ROBO2: variants seen among roughly 807,000 people sequenced by gnomAD.
The protein encoded by ROBO2 is roundabout homolog 2.
In ROBO2, 53 loss-of-function variants were observed where a neutral mutation model predicts 160.8. The ratio of observed to expected loss-of-function variants is 0.33; its 90% CI spans 0.26 to 0.41. The LOEUF (loss-of-function observed/expected upper bound fraction) is 0.41, where lower values mean the gene tolerates loss of function less well. ROBO2 is among the 10% of genes least tolerant of loss of function. ROBO2 has a pLI of 1.00. For missense variants in ROBO2, 1,577 were observed against 1,722.4 expected, an observed-to-expected ratio of 0.92 and a Z score of 1.49; for synonymous variants, 664 against 611.7, an observed-to-expected ratio of 1.09 and a Z score of -1.26.
At chr3:76,006,993 A>T (rs1245735514) in intron 2 of ROBO2, among the ~76,000 whole-genome samples, 1 of 152,128 alleles carries the variant, frequency 6.6e-6, no homozygotes, top group Non-Finnish European at 1.5e-5. Flanking sequence ...TGTGTATTAT[A>T]TAAATGCTGG....
chr3:75,954,988 A>AT (rs1948673808), intron 2 of ROBO2, among the ~76,000 whole-genome samples: 1 of 151,878 alleles, frequency 6.6e-6, no homozygotes, highest in Admixed American at 6.6e-5. Flanking sequence ...TTAAAGAAGC[A>AT]TAGAACAAGC....
chr3:76,471,220 G>A (rs984961706), intron 2 of ROBO2, among the ~76,000 whole-genome samples: 1 of 152,092 alleles, frequency 6.6e-6, no homozygotes, highest in Admixed American at 6.6e-5. Context: ...AGAAGTCATG[G>A]CAGGTAACAG....
exon 10 of ROBO2, chr3:77,562,659 T>C (rs772866970): frequency 2.5e-6 from 4 of 1,611,682 alleles, no homozygotes; most frequent in Non-Finnish European, 1.7e-6. Context: ...AGATTTCTGA[T>C]ACTGGCACTT....
At chr3:77,374,552 AT>A (rs529739995) in intron 2 of ROBO2, among the ~76,000 whole-genome samples, 2 of 152,174 alleles carry the variant, frequency 1.3e-5, no homozygotes, top group South Asian at 4.1e-4. Context: ...TTCTGTGTAG[AT>A]TACTGTTAAC....
chr3:77,064,362 CTTT>C (rs71104649), intron 1 of ROBO2, among the ~76,000 whole-genome samples: 2 of 138,212 alleles, frequency 1.4e-5, no homozygotes, highest in African/African-American at 2.7e-5. Context: ...TTGGATGTAT[CTTT>C]TTTTTTTTTT....
At chr3:76,754,966 G>A (rs2060885553) in intron 2 of ROBO2, among the ~76,000 whole-genome samples, 1 of 151,760 alleles carries the variant, frequency 6.6e-6, no homozygotes, top group Non-Finnish European at 1.5e-5. Context: ...GGCTATTTAG[G>A]TATTCACATT....
chr3:76,265,810 C>T (rs1347303200), intron 2 of ROBO2, among the ~76,000 whole-genome samples: 1 of 152,100 alleles, frequency 6.6e-6, no homozygotes, highest in African/African-American at 2.4e-5. Flanking sequence ...ACATCTTTAA[C>T]AGAAACAGTG....
At chr3:76,938,024 T>C (rs2077834075) in intron 2 of ROBO2, among the ~76,000 whole-genome samples, 1 of 152,084 alleles carries the variant, frequency 6.6e-6, no homozygotes, top group East Asian at 1.9e-4. Context: ...ATGGAACTCA[T>C]AGGTGGGAAT....
At chr3:76,810,681 A>T (rs760031210) in intron 2 of ROBO2, among the ~76,000 whole-genome samples, 2 of 152,160 alleles carry the variant, frequency 1.3e-5, no homozygotes, top group Non-Finnish European at 2.9e-5. Context: ...CATTTTGCTG[A>T]GTATTTAGCA....
intron 6 of ROBO2, among the ~76,000 whole-genome samples, chr3:77,533,164 A>G (rs1582763570): frequency 6.6e-6 from 1 of 152,182 alleles, no homozygotes; most frequent in East Asian, 1.9e-4. Flanking sequence ...TACTAAAAAC[A>G]TACTATGTTC....
chr3:77,433,502 A>ATATATATATATATATATATG (rs2078996534), intron 2 of ROBO2, among the ~76,000 whole-genome samples: 1 of 110,882 alleles, frequency 9.0e-6, no homozygotes, highest in African/African-American at 4.1e-5. Flanking sequence ...ATATATATAT[A>ATATATATATATATATATATG]TATATATATA....
At chr3:77,156,522 G>T (rs1173934147) in intron 2 of ROBO2, among the ~76,000 whole-genome samples, 1 of 151,856 alleles carries the variant, frequency 6.6e-6, no homozygotes, top group Non-Finnish European at 1.5e-5. Context: ...GAAATTCAGT[G>T]GGAGGAACAT....
chr3:76,001,537 T>A (rs1014785231), intron 2 of ROBO2, among the ~76,000 whole-genome samples: 8 of 152,036 alleles, frequency 5.3e-5, no homozygotes, highest in Admixed American at 5.2e-4. Flanking sequence ...TGTATGTGTG[T>A]ATGTGTGTGT....
chr3:76,284,233 T>A (rs555385262), intron 2 of ROBO2, among the ~76,000 whole-genome samples: 18 of 152,190 alleles, frequency 1.2e-4, no homozygotes, highest in African/African-American at 3.6e-4. Flanking sequence ...ACCTTGGCAA[T>A]AAAACCAATC....
chr3:76,001,657 C>T (rs1052833514), intron 2 of ROBO2, among the ~76,000 whole-genome samples: 21 of 152,076 alleles, frequency 1.4e-4, no homozygotes, highest in Admixed American at 1.2e-3. Flanking sequence ...CCCACCTCAG[C>T]CTCCTGGGTA....
chr3:75,978,951 T>C (rs947345364), intron 2 of ROBO2, among the ~76,000 whole-genome samples: 5 of 151,368 alleles, frequency 3.3e-5, no homozygotes, highest in Non-Finnish European at 7.4e-5. Context: ...CATGAGATCA[T>C]ACCCGGGTTA....
At position 77,615,698 on chromosome 3, in the gene ROBO2, T is replaced by C. The variant is rs2030639; in HGVS notation, c.3294-1815T>C. On this transcript the variant is annotated intron_variant, in intron 21 of 25. Coordinates refer to ENST00000461745, the Ensembl canonical transcript of ROBO2. ...CTTTTTAGCAACGAATAATATTCCA[T>C]TGCATGGATGTAATGCAGTTTATTT... Among the ~76,000 whole-genome samples the C allele has an allele frequency of 7.2e-3, 1,103 of 152,326 alleles. 16 individuals carry two copies. Among genetic ancestry groups the C allele is most frequent in the African/African-American group, 0.025 (1,046 of 41,578 alleles).
At chr3:76,630,306 G>C (rs1020002488) in intron 2 of ROBO2, among the ~76,000 whole-genome samples, 1 of 145,254 alleles carries the variant, frequency 6.9e-6, no homozygotes, top group Non-Finnish European at 1.5e-5. Flanking sequence ...TCCAGGGTTG[G>C]TTCCTGCCCT....
chr3:77,480,960 A>G (rs1219691352), intron 3 of ROBO2, 139 bp from the exon 4 acceptor site: 1 of 712,152 alleles, frequency 1.4e-6, no homozygotes, highest in African/African-American at 1.8e-5. Flanking sequence ...ACATACCTGC[A>G]AATGCCAAAA....
Sources: allele counts gnomAD v4.1 joint callset (sites outside exome capture counted in the v4.1 genomes callset), GRCh38; gene constraint gnomAD v4.1.1; transcripts MANE v1.5; gene names NCBI Gene and HGNC (gene_info 2026-07-23, HGNC 2026-07-21).